MRAP2: variants seen among roughly 807,000 people sequenced by gnomAD.
MRAP2 encodes melanocortin-2 receptor accessory protein 2.
A neutral mutation model predicts 17.4 loss-of-function variants in MRAP2; 20 were observed. The observed-to-expected ratio is 1.15, with a 90% CI of 0.81 to 1.67. MRAP2 has a LOEUF of 1.67. Among genes scored for constraint, MRAP2 ranks in the 40% most tolerant of loss-of-function variants. The pLI, the probability that MRAP2 is intolerant of heterozygous loss-of-function variation, is 0.00. For synonymous variants in MRAP2, 96 were observed against 88.4 expected (o/e 1.09, Z -0.48); for missense variants, 238 against 240.0 (o/e 0.99, Z 0.05).
intron 3 of MRAP2, among the ~76,000 whole-genome samples, chr6:84,070,810 A>G (rs2099496019): frequency 1.3e-5 from 2 of 152,172 alleles, no homozygotes; most frequent in South Asian, 4.1e-4. Context: ...CTTTACCATT[A>G]CATAATATCC....
At chr6:84,106,478 T>G in the MRAP2 span, among the ~76,000 whole-genome samples, 4 of 152,186 alleles carry the variant, frequency 2.6e-5, no homozygotes, top group Admixed American at 2.0e-4. Context: ...AGGGTTGGTC[T>G]CTGCTGCTGG....
At chr6:84,104,138 T>A in the MRAP2 span, among the ~76,000 whole-genome samples, 1 of 152,242 alleles carries the variant, frequency 6.6e-6, no homozygotes, top group Non-Finnish European at 1.5e-5. Flanking sequence ...TTTGGGTAGC[T>A]GTGCCAAGGC....
the MRAP2 span, among the ~76,000 whole-genome samples, chr6:84,112,950 T>A: frequency 1.3e-5 from 2 of 152,266 alleles, no homozygotes; most frequent in Non-Finnish European, 2.9e-5. Flanking sequence ...TTGATTGCAC[T>A]GTGGTCTGAG....
intron 1 of MRAP2, among the ~76,000 whole-genome samples, chr6:84,051,709 T>G (rs1478086689): frequency 6.6e-6 from 1 of 151,694 alleles, no homozygotes; most frequent in African/African-American, 2.4e-5. Context: ...GGCAATAGAG[T>G]AAGACCTTGT....
At chr6:84,067,085 C>T (rs2099494929) in intron 3 of MRAP2, among the ~76,000 whole-genome samples, 1 of 151,968 alleles carries the variant, frequency 6.6e-6, no homozygotes, top group African/African-American at 2.4e-5. Flanking sequence ...CATTCTTCTG[C>T]CTTTGTATCC....
chr6:84,124,000 C>G, the MRAP2 span, among the ~76,000 whole-genome samples: 1 of 151,960 alleles, frequency 6.6e-6, no homozygotes, highest in Non-Finnish European at 1.5e-5. Context: ...AGTACAAAAA[C>G]CACACTGAGA....
At position 84,033,796 on chromosome 6, in the gene MRAP2, A is replaced by AGGCGGCGGCGGCGGC; in HGVS notation, c.-90_-76dup. 1 of 986,548 alleles carries AGGCGGCGGCGGCGGC rather than the reference A, an allele frequency of 1.0e-6. No homozygotes were observed. Among genetic ancestry groups the AGGCGGCGGCGGCGGC allele is most frequent in the African/African-American group, 1.8e-5 (1 of 56,948 alleles). The allele number at this position is 986,548 out of a possible 1,614,324, so 61.1% of individuals were successfully genotyped here. A position where few individuals can be genotyped will look rare whatever the true frequency, so the allele number is the denominator to read the frequency against. On this transcript the variant is annotated 5_prime_UTR_variant, in exon 1 of 4. Coordinates refer to ENST00000257776, the MANE Select transcript of MRAP2 (RefSeq NM_138409.4). The stretch of plus-strand genomic sequence containing the variant: ...TACTCGCCCGGCCCTGGGCGGTGGG[A>AGGCGGCGGCGGCGGC]GGCGGCGGCGGCGGCGGCGCTCGCG...
chr6:84,144,779 T>G, the MRAP2 span, among the ~76,000 whole-genome samples: 1 of 152,170 alleles, frequency 6.6e-6, no homozygotes, highest in Admixed American at 6.6e-5. Context: ...ACACTGCTGA[T>G]TCTTTAATAT....
the MRAP2 span, among the ~76,000 whole-genome samples, chr6:84,099,181 C>CTTTTTTT: frequency 4.7e-4 from 55 of 117,312 alleles, no homozygotes; most frequent in East Asian, 3.2e-3. Flanking sequence ...AGATCCTTTT[C>CTTTTTTT]TTTTTTTTTT....
intron 3 of MRAP2, among the ~76,000 whole-genome samples, chr6:84,084,917 A>ATTTTATTTTATTTTAT (rs58379284): frequency 1.0e-5 from 1 of 96,286 alleles, no homozygotes; most frequent in African/African-American, 5.5e-5. Flanking sequence ...TATTTTATTT[A>ATTTTATTTTATTTTAT]TTTATTTTAT....
chr6:84,081,340 A>T (rs2099498929), intron 3 of MRAP2, among the ~76,000 whole-genome samples: 1 of 152,194 alleles, frequency 6.6e-6, no homozygotes, highest in Non-Finnish European at 1.5e-5. Flanking sequence ...GTGACTGTTT[A>T]TGGCATAAGG....
At chr6:84,131,021 C>T in the MRAP2 span, among the ~76,000 whole-genome samples, 1 of 152,196 alleles carries the variant, frequency 6.6e-6, no homozygotes. Context: ...CTACACACTG[C>T]TTTAAATGTG....
the MRAP2 span, among the ~76,000 whole-genome samples, chr6:84,114,876 C>T: frequency 6.6e-6 from 1 of 152,132 alleles, no homozygotes; most frequent in Non-Finnish European, 1.5e-5. Flanking sequence ...CACTGCAGAC[C>T]CTGTTTTCCT....
chr6:84,035,174 C>G (rs749594364), intron 1 of MRAP2, among the ~76,000 whole-genome samples: 1 of 152,186 alleles, frequency 6.6e-6, no homozygotes, highest in Non-Finnish European at 1.5e-5. Context: ...AAGAGGGTCT[C>G]GAAGCCCGAA....
chr6:84,063,316 A>T (rs1428228529), intron 3 of MRAP2: 2 of 985,110 alleles, frequency 2.0e-6, no homozygotes, highest in Non-Finnish European at 2.4e-6. Flanking sequence ...TCCCAAAAGG[A>T]TTTAGATGAT....
At chr6:84,055,756 G>T (rs927179701) in intron 2 of MRAP2, among the ~76,000 whole-genome samples, 3 of 152,182 alleles carry the variant, frequency 2.0e-5, no homozygotes, top group African/African-American at 7.2e-5. Flanking sequence ...AACTGTGAAT[G>T]TTTGAACTAT....
At chr6:84,052,872 C>T (rs1225779170) in intron 1 of MRAP2, 1 of 798,616 alleles carries the variant, frequency 1.3e-6, no homozygotes, top group African/African-American at 1.9e-5. Context: ...GCACATGTAG[C>T]TTTCATTACC....
chr6:84,102,480 T>C, the MRAP2 span, among the ~76,000 whole-genome samples: 1 of 152,090 alleles, frequency 6.6e-6, no homozygotes, highest in Non-Finnish European at 1.5e-5. Context: ...AGCCAAGGAA[T>C]GTGAGTGGTT....
chr6:84,119,030 C>G, the MRAP2 span, among the ~76,000 whole-genome samples: 7 of 152,228 alleles, frequency 4.6e-5, no homozygotes, highest in African/African-American at 1.7e-4. Context: ...TATATCTGGT[C>G]TCACTGGTCA....
Sources: gnomAD v4.1 joint callset for allele counts (sites outside exome capture counted in the v4.1 genomes callset) on GRCh38, gnomAD v4.1.1 for gene constraint, MANE v1.5 for transcripts, NCBI Gene and HGNC (gene_info 2026-07-23, HGNC 2026-07-21) for gene names.